The following CACNA2D2 variants were observed in gnomAD, a reference collection of about 807,000 sequenced individuals.
CACNA2D2 encodes calcium voltage-gated channel auxiliary subunit alpha2delta 2.
A neutral mutation model predicts 166.4 loss-of-function variants in CACNA2D2; 48 were observed. The ratio of observed to expected loss-of-function variants is 0.29; its 90% CI spans 0.23 to 0.37. CACNA2D2 has a LOEUF of 0.37. Among genes scored for constraint, CACNA2D2 ranks in the 10% least tolerant of loss-of-function variants. The probability of loss-of-function intolerance (pLI) is 1.00; values close to 1 mark genes in which losing one functional copy is unlikely to be tolerated. For synonymous variants in CACNA2D2, 561 were observed against 573.7 expected, an observed-to-expected ratio of 0.98 and a Z score of 0.32; for missense variants, 1,122 against 1,433.0, an observed-to-expected ratio of 0.78 and a Z score of 3.50.
chr3:50,391,127 C>G (rs1705867083), intron 4 of CACNA2D2, among the ~76,000 whole-genome samples: 1 of 152,232 alleles, frequency 6.6e-6, no homozygotes, highest in Non-Finnish European at 1.5e-5. Context: ...CTCTTCTAGC[C>G]TGGCCCAGCC....
In CACNA2D2 at chr3:50,365,564, C is replaced by T. The variant is rs1317341573; in HGVS notation, c.2971+69G>A. ...CTCCCTCAGTCGTAGACCCCACCCT[C>T]CCCATGGAGTCGTCTTAGCTCAGAT... On this transcript the variant is annotated intron_variant, in intron 34 of 37. Coordinates refer to ENST00000424201, the MANE Select transcript of CACNA2D2 (RefSeq NM_006030.4). This position sits in a 1 kb window ranked among gnomAD's most constrained non-coding sequence, Gnocchi z 4.5. The T allele has an allele frequency of 1.3e-6, 2 of 1,584,846 alleles. No individual in the cohort carries two copies. Among genetic ancestry groups the T allele is most frequent in the African/African-American group, 1.3e-5 (1 of 74,484 alleles).
chr3:50,503,181 C>G (rs1412278890), intron 1 of CACNA2D2, 37 bp downstream of exon 1: 2 of 1,158,126 alleles, frequency 1.7e-6, no homozygotes, highest in East Asian at 7.4e-5. Context: ...GGGCGCAAGG[C>G]TCGGCCGGGG....
At chr3:50,459,291 G>A (rs962447381) in intron 2 of CACNA2D2, among the ~76,000 whole-genome samples, 1 of 152,172 alleles carries the variant, frequency 6.6e-6, no homozygotes, top group Non-Finnish European at 1.5e-5. Context: ...CCTGGGCCAC[G>A]GGGAGTGGAG....
rs1468068987 is a variant in CACNA2D2, at chr3:50,503,609, C to A, written c.-186G>T. Reference sequence around the variant, plus strand: ...TCTGCGGGCTGCGCGCTGCTATCTCCCTGCAGCGCTGGCTCCAAGCGCTCT... The same window carrying A: ...TCTGCGGGCTGCGCGCTGCTATCTCACTGCAGCGCTGGCTCCAAGCGCTCT... On this transcript the variant is annotated 5_prime_UTR_variant, in exon 1 of 38. Transcript: ENST00000424201. 2 of 164,372 alleles carry A rather than the reference C, an allele frequency of 1.2e-5. No homozygotes were observed. Among genetic ancestry groups the A allele is most frequent in the Non-Finnish European group, 2.6e-5 (2 of 76,646 alleles). The allele number at this position is 164,372 out of a possible 1,614,324, so 10.2% of individuals were successfully genotyped here.
At chr3:50,441,179 G>C (rs1708578686) in intron 2 of CACNA2D2, among the ~76,000 whole-genome samples, 1 of 152,074 alleles carries the variant, frequency 6.6e-6, no homozygotes, top group Non-Finnish European at 1.5e-5. Context: ...GAAAGGCCTG[G>C]CGGCTCTGTG....
intron 2 of CACNA2D2, among the ~76,000 whole-genome samples, chr3:50,443,764 T>C (rs1019015128): frequency 6.6e-6 from 1 of 152,204 alleles, no homozygotes; most frequent in Admixed American, 6.5e-5. Context: ...CATCTTCGGA[T>C]GTGTAAAATG....
intron 2 of CACNA2D2, among the ~76,000 whole-genome samples, chr3:50,441,504 A>C (rs1000262804): frequency 6.6e-6 from 1 of 152,148 alleles, no homozygotes; most frequent in Admixed American, 6.5e-5. Flanking sequence ...AATAAACCAA[A>C]TCCTCCCAGC....
chr3:50,438,601 C>T (rs1708454517), intron 2 of CACNA2D2, among the ~76,000 whole-genome samples: 1 of 152,236 alleles, frequency 6.6e-6, no homozygotes, highest in Non-Finnish European at 1.5e-5. Context: ...CTCGTTCCCA[C>T]AGCTCCTAAC....
chr3:50,432,998 G>A (rs1708144051), intron 3 of CACNA2D2, among the ~76,000 whole-genome samples: 1 of 152,176 alleles, frequency 6.6e-6, no homozygotes, highest in African/African-American at 2.4e-5. Flanking sequence ...TAAAAAAACT[G>A]CTTTATTGAG....
intron 1 of CACNA2D2, among the ~76,000 whole-genome samples, chr3:50,481,238 A>T (rs1350528085): frequency 6.6e-6 from 1 of 152,094 alleles, no homozygotes; most frequent in Non-Finnish European, 1.5e-5. Context: ...GTTCAAGAGC[A>T]GACAGGGGCA....
At chr3:50,495,699 C>T (rs778890990) in intron 1 of CACNA2D2, among the ~76,000 whole-genome samples, 20 of 152,230 alleles carry the variant, frequency 1.3e-4, no homozygotes, top group Non-Finnish European at 2.5e-4. Context: ...CAAGGGCTGC[C>T]AGTCTCCTGC....
chr3:50,496,605 T>C (rs1388198279), intron 1 of CACNA2D2, among the ~76,000 whole-genome samples: 1 of 152,142 alleles, frequency 6.6e-6, no homozygotes, highest in African/African-American at 2.4e-5. Context: ...AGACTGCAAA[T>C]ACCCCCTAGA....
At chr3:50,446,860 G>A (rs1347753417) in intron 2 of CACNA2D2, among the ~76,000 whole-genome samples, 3 of 152,212 alleles carry the variant, frequency 2.0e-5, no homozygotes, top group Non-Finnish European at 2.9e-5. Flanking sequence ...TAGACTTCAA[G>A]GAGGTGCTTC....
intron 6 of CACNA2D2, among the ~76,000 whole-genome samples, chr3:50,383,697 T>C (rs1236166990): frequency 6.6e-6 from 1 of 152,104 alleles, no homozygotes; most frequent in Non-Finnish European, 1.5e-5. Context: ...CCTACCTCCT[T>C]GGTTCTATGC....
At chr3:50,371,388 CTGTA>C (rs1252599825) in intron 22 of CACNA2D2, among the ~76,000 whole-genome samples, 1 of 151,930 alleles carries the variant, frequency 6.6e-6, no homozygotes, top group Admixed American at 6.6e-5. Flanking sequence ...GTGAGTATCT[CTGTA>C]TGGGTTTGAG....
chr3:50,501,823 G>C (rs1167114177), intron 1 of CACNA2D2, among the ~76,000 whole-genome samples: 1 of 152,124 alleles, frequency 6.6e-6, no homozygotes. Context: ...GCAAATGAAA[G>C]ACAATAACGC....
At chr3:50,475,057 C>A (rs374222539) in intron 2 of CACNA2D2, among the ~76,000 whole-genome samples, 43 of 152,278 alleles carry the variant, frequency 2.8e-4, no homozygotes, top group African/African-American at 1.0e-3. Context: ...ATGACCAGCC[C>A]CAGCCTGTGC....
chr3:50,428,972 G>A (rs1053179428), intron 3 of CACNA2D2, among the ~76,000 whole-genome samples: 1 of 152,224 alleles, frequency 6.6e-6, no homozygotes, highest in Admixed American at 6.5e-5. Context: ...GCTCACACCT[G>A]TAATCCTAGC....
At chr3:50,499,593 AG>A (rs1196139301) in intron 1 of CACNA2D2, among the ~76,000 whole-genome samples, 1 of 149,756 alleles carries the variant, frequency 6.7e-6, no homozygotes, top group Admixed American at 6.6e-5. Context: ...AGGAGCTGGC[AG>A]TGTCCACCCA....
Sources: gnomAD v4.1 joint callset for allele counts (sites outside exome capture counted in the v4.1 genomes callset) on GRCh38, gnomAD v4.1.1 for gene constraint, Gnocchi (gnomAD v3.1) non-coding constraint, MANE v1.5 for transcripts, NCBI Gene and HGNC (gene_info 2026-07-23, HGNC 2026-07-21) for gene names.